ANXA4: variants seen among roughly 807,000 people sequenced by gnomAD.
The protein encoded by ANXA4 is 35-beta calcimedin.
Under a neutral mutation model 49.8 loss-of-function variants are expected in ANXA4, and 39 were observed. The ratio of observed to expected loss-of-function variants is 0.78; its 90% confidence interval spans 0.61 to 1.02. The LOEUF is 1.02. ANXA4 is among the 50% of genes least tolerant of loss of function. ANXA4 has a pLI of 0.00. For missense variants in ANXA4, 360 were observed against 410.1 expected (o/e 0.88, Z 1.05); for synonymous variants, 134 against 152.5 (o/e 0.88, Z 0.89).
intron 3 of ANXA4, among the ~76,000 whole-genome samples, chr2:69,793,067 C>T (rs1468073622): frequency 2.0e-5 from 3 of 151,412 alleles, no homozygotes; most frequent in East Asian, 1.9e-4. Flanking sequence ...TCCTGGCCAA[C>T]ATGGTGAAAC....
intron 3 of ANXA4, among the ~76,000 whole-genome samples, chr2:69,788,853 A>AT (rs1264924515): frequency 2.0e-5 from 3 of 150,924 alleles, no homozygotes. Flanking sequence ...AAAAAAAAAA[A>AT]AGAAAGAGGG....
At position 69,818,695 on chromosome 2, in the gene ANXA4, G is replaced by T; in HGVS notation, c.724+1G>T. ...TTTGAAGATGCTCTGCTGGCTATAG[G>T]TAAGCTGGTAGGGGGAGTAGAGAAA... On this transcript the variant is annotated splice_donor_variant, in intron 10 of 12. Coordinates refer to ENST00000394295, the MANE Select transcript of ANXA4 (RefSeq NM_001153.5). LOFTEE classifies it high-confidence loss of function. 1 of 1,596,882 alleles carries T rather than the reference G, an allele frequency of 6.3e-7. No homozygotes were observed. The highest frequency in any genetic ancestry group is 8.6e-7 in the Non-Finnish European group (1 of 1,167,170).
At chr2:69,729,460 G>A (rs1670042669) in intron 3 of ANXA4, among the ~76,000 whole-genome samples, 1 of 152,254 alleles carries the variant, frequency 6.6e-6, no homozygotes, top group African/African-American at 2.4e-5. Context: ...TCAATGGGAA[G>A]CTATTTTTGT....
chr2:69,823,831 T>C (rs1397289137), intron 12 of ANXA4, among the ~76,000 whole-genome samples: 1 of 152,238 alleles, frequency 6.6e-6, no homozygotes, highest in Admixed American at 6.5e-5. Flanking sequence ...AACAAGGATA[T>C]ATTAAGATTG....
At chr2:69,650,360 C>T (rs772995306) in intron 1 of ANXA4, among the ~76,000 whole-genome samples, 6 of 152,196 alleles carry the variant, frequency 3.9e-5, no homozygotes, top group African/African-American at 7.2e-5. Flanking sequence ...GTTCTCCATT[C>T]ACTGATCCAG....
At chr2:69,698,294 A>G (rs140791634) in intron 2 of ANXA4, among the ~76,000 whole-genome samples, 23 of 152,212 alleles carry the variant, frequency 1.5e-4, no homozygotes, top group South Asian at 6.2e-4. Context: ...ATTTTAACCT[A>G]TGAATTTTGC....
intron 5 of ANXA4, among the ~76,000 whole-genome samples, 178 bp downstream of exon 5, chr2:69,806,676 A>G (rs1233506368): frequency 6.6e-6 from 1 of 152,212 alleles, no homozygotes; most frequent in African/African-American, 2.4e-5. Flanking sequence ...AAGGAACAAG[A>G]TCATGTCCTC....
intron 1 of ANXA4, among the ~76,000 whole-genome samples, chr2:69,743,218 C>T (rs1670471384): frequency 6.6e-6 from 1 of 151,804 alleles, no homozygotes; most frequent in East Asian, 1.9e-4. Flanking sequence ...GATAACCAAA[C>T]CCTAGATTTT....
chr2:69,680,018 A>AT (rs74685017), intron 2 of ANXA4, among the ~76,000 whole-genome samples: 1 of 151,986 alleles, frequency 6.6e-6, no homozygotes, highest in East Asian at 1.9e-4. Flanking sequence ...GAATTTTAGG[A>AT]TTTTTTCCCC....
At chr2:69,658,243 C>CA (rs1158008351) in intron 2 of ANXA4, among the ~76,000 whole-genome samples, 2 of 151,338 alleles carry the variant, frequency 1.3e-5, no homozygotes, top group South Asian at 2.1e-4. Context: ...ATTAAAAATA[C>CA]AAAAAAATTA....
At chr2:69,709,487 A>C (rs1678607588) in intron 2 of ANXA4, among the ~76,000 whole-genome samples, 2 of 152,162 alleles carry the variant, frequency 1.3e-5, no homozygotes, top group African/African-American at 4.8e-5. Context: ...GTTTTCCATC[A>C]GCAGAAGCAC....
intron 2 of ANXA4, among the ~76,000 whole-genome samples, chr2:69,689,485 G>T (rs1274360678): frequency 1.3e-5 from 2 of 151,878 alleles, no homozygotes; most frequent in Non-Finnish European, 2.9e-5. Flanking sequence ...AATTCTCAAA[G>T]ACATCAATAA....
intron 1 of ANXA4, among the ~76,000 whole-genome samples, chr2:69,756,014 C>T (rs1387622962): frequency 6.6e-6 from 1 of 152,220 alleles, no homozygotes; most frequent in Admixed American, 6.5e-5. Flanking sequence ...TGACCATCTA[C>T]TCCCAACTCC....
rs371854703 is a variant in ANXA4, at chr2:69,707,705, TCAAA to T, written n.767-13066_767-13063del. Among the ~76,000 whole-genome samples, 16 of 152,374 alleles carry T rather than the reference TCAAA, an allele frequency of 1.1e-4. 2 individuals are homozygous for T. The highest frequency in any genetic ancestry group is 3.8e-4 in the African/African-American group (16 of 41,594). ...CATATAAAATGGGGTATCCATCCCC[TCAAA>T]CATTTATCCTTTGTGTTACAAACAA... On this transcript the variant is annotated intron_variant and non_coding_transcript_variant, in intron 2 of 3. Coordinates refer to the ANXA4 transcript ENST00000418066.
chr2:69,757,088 G>A (rs550865445), intron 1 of ANXA4, among the ~76,000 whole-genome samples: 10 of 148,196 alleles, frequency 6.7e-5, no homozygotes, highest in Admixed American at 2.7e-4. Flanking sequence ...CACCATGCCC[G>A]GCTAATTTTT....
chr2:69,720,914 A>G (rs61676684), intron 3 of ANXA4: 1 of 152,374 alleles, frequency 6.6e-6, no homozygotes, highest in South Asian at 2.1e-4. Context: ...TGAGGTCTCC[A>G]TCTTCTGTGG....
At chr2:69,659,563 G>A (rs1316409680) in intron 2 of ANXA4, among the ~76,000 whole-genome samples, 2 of 152,146 alleles carry the variant, frequency 1.3e-5, no homozygotes, top group African/African-American at 4.8e-5. Context: ...TTGTTACTAT[G>A]TATGGCATGT....
At chr2:69,648,335 T>C (rs1248268658) in intron 1 of ANXA4, among the ~76,000 whole-genome samples, 1 of 152,232 alleles carries the variant, frequency 6.6e-6, no homozygotes, top group Non-Finnish European at 1.5e-5. Context: ...CTTTCTATGT[T>C]GCCGTCTTTT....
At chr2:69,655,219 C>T (rs574166085) in intron 2 of ANXA4, among the ~76,000 whole-genome samples, 1 of 152,214 alleles carries the variant, frequency 6.6e-6, no homozygotes, top group African/African-American at 2.4e-5. Flanking sequence ...GCAAAAGAAA[C>T]TGTCATCAGA....
Sources: gnomAD v4.1 joint callset for allele counts (sites outside exome capture counted in the v4.1 genomes callset) on GRCh38, gnomAD v4.1.1 for gene constraint, MANE v1.5 for transcripts, NCBI Gene and HGNC (gene_info 2026-07-23, HGNC 2026-07-21) for gene names.